The following FRY variants were observed in gnomAD, a reference collection of about 807,000 sequenced individuals.
The protein encoded by FRY is FRY microtubule binding protein.
A neutral mutation model predicts 348.4 loss-of-function variants in FRY; 128 were observed. The observed-to-expected ratio is 0.37, with a 90% confidence interval of 0.32 to 0.43. FRY has a LOEUF of 0.43. Among genes scored for constraint, FRY ranks in the 20% least tolerant of loss-of-function variants. FRY has a pLI of 1.00. For synonymous variants in FRY, 1,370 were observed against 1,374.7 expected (o/e 1.00, Z 0.08); for missense variants, 2,736 against 3,695.2 (o/e 0.74, Z 6.73).
intron 28 of FRY, among the ~76,000 whole-genome samples, chr13:32,191,982 T>C (rs1883362993): frequency 6.6e-6 from 1 of 152,162 alleles, no homozygotes; most frequent in Non-Finnish European, 1.5e-5. Flanking sequence ...TCCATTTATA[T>C]AGACCTCAAA....
chr13:32,091,866 G>T (rs972584286), intron 2 of FRY, among the ~76,000 whole-genome samples: 1 of 152,172 alleles, frequency 6.6e-6, no homozygotes, highest in African/African-American at 2.4e-5. Flanking sequence ...AGGGCCATAA[G>T]TTGAGAGGAC....
At chr13:32,044,891 C>T (rs1160315901) in intron 1 of FRY, among the ~76,000 whole-genome samples, 2 of 152,154 alleles carry the variant, frequency 1.3e-5, no homozygotes, top group Non-Finnish European at 2.9e-5. Context: ...GAGCCAAGTT[C>T]CTGCCCTTAA....
intron 1 of FRY, among the ~76,000 whole-genome samples, chr13:32,053,667 A>G (rs1231539390): frequency 6.6e-6 from 1 of 152,246 alleles, no homozygotes; most frequent in Non-Finnish European, 1.5e-5. Context: ...CACTTTGGAC[A>G]CTTAAGAGTC....
intron 3 of FRY, among the ~76,000 whole-genome samples, chr13:32,111,375 A>G (rs959190399): frequency 2.0e-5 from 3 of 151,942 alleles, no homozygotes; most frequent in African/African-American, 7.2e-5. Flanking sequence ...GTGTGCCTGT[A>G]GTCCCACCTA....
chr13:32,186,570 C>T, intron 27 of FRY, 150 bp downstream of exon 27: 1 of 664,118 alleles, frequency 1.5e-6, no homozygotes, highest in Non-Finnish European at 2.7e-6. Context: ...CACATGGACA[C>T]ACACGTACAT....
intron 1 of FRY, among the ~76,000 whole-genome samples, chr13:32,070,219 G>A (rs1475997442): frequency 6.6e-6 from 1 of 152,104 alleles, no homozygotes; most frequent in Admixed American, 6.5e-5. Flanking sequence ...AATCCTTTGG[G>A]TCTATACCCA....
At chr13:32,205,840 A>T (rs812840) in intron 31 of FRY, among the ~76,000 whole-genome samples, 1 of 151,408 alleles carries the variant, frequency 6.6e-6, no homozygotes, top group Non-Finnish European at 1.5e-5. Flanking sequence ...GTTAAGAAAC[A>T]ATGGCAATAG....
chr13:32,262,530 A>C, intron 53 of FRY, 55 bp downstream of exon 53: 1 of 1,369,852 alleles, frequency 7.3e-7, no homozygotes, highest in Non-Finnish European at 1.0e-6. Context: ...CTTAAAAAAA[A>C]ACACTTCCAA....
intron 17 of FRY, among the ~76,000 whole-genome samples, chr13:32,167,110 G>T (rs1397601438): frequency 6.6e-6 from 1 of 152,194 alleles, no homozygotes; most frequent in Non-Finnish European, 1.5e-5. Flanking sequence ...ATCTCATTTG[G>T]AAAGCTGAAA....
chr13:32,085,286 A>G (rs565546495), intron 2 of FRY, among the ~76,000 whole-genome samples: 2 of 152,288 alleles, frequency 1.3e-5, no homozygotes, highest in African/African-American at 4.8e-5. Flanking sequence ...CTCATTCTCT[A>G]TGAGTCTGTC....
chr13:32,148,366 T>C (rs1880583202), intron 13 of FRY, among the ~76,000 whole-genome samples: 1 of 152,262 alleles, frequency 6.6e-6, no homozygotes, highest in South Asian at 2.1e-4. Flanking sequence ...AATAATGTTC[T>C]TTCAACCTAT....
Position 32,079,358 on chromosome 13 carries a change from G to GAT in FRY, c.270+336_270+337dup, listed in dbSNP as rs199688656. On this transcript the variant is annotated intron_variant, in intron 2 of 60. Coordinates refer to ENST00000542859, the MANE Select transcript of FRY (RefSeq NM_023037.3). ...GAAAAATTGTGTTCAGAGTCTCTGT[G>GAT]ATATATATATATCTCATATATATAT... 3.8e-3 allele frequency among the ~76,000 whole-genome samples: 578 copies of GAT among 151,886 alleles called. 2 individuals carry two copies. Among genetic ancestry groups the GAT allele is most frequent in the Non-Finnish European group, 4.8e-3 (323 of 67,936 alleles).
At chr13:32,127,918 G>T (rs374067995) in intron 7 of FRY, among the ~76,000 whole-genome samples, 4 of 152,036 alleles carry the variant, frequency 2.6e-5, no homozygotes, top group African/African-American at 7.2e-5. Flanking sequence ...TTTAGTCATG[G>T]ATTCAAACTG....
At chr13:32,259,325 C>G (rs1033411518) in intron 51 of FRY, among the ~76,000 whole-genome samples, 1 of 152,192 alleles carries the variant, frequency 6.6e-6, no homozygotes, top group Non-Finnish European at 1.5e-5. Context: ...CCAGGGGAAC[C>G]ATTTCAACAC....
At chr13:32,037,713 CA>C (rs1365214679) in intron 1 of FRY, among the ~76,000 whole-genome samples, 2 of 152,210 alleles carry the variant, frequency 1.3e-5, no homozygotes, top group African/African-American at 4.8e-5. Context: ...ATATAACATG[CA>C]AAGATTCTCC....
chr13:32,121,552 A>C (rs1878654147), intron 4 of FRY, among the ~76,000 whole-genome samples: 1 of 151,612 alleles, frequency 6.6e-6, no homozygotes, highest in Non-Finnish European at 1.5e-5. Context: ...ATATTTTTTC[A>C]TATGTTTGTT....
At chr13:32,222,887 G>T (rs1192062351) in intron 36 of FRY, among the ~76,000 whole-genome samples, 1 of 152,100 alleles carries the variant, frequency 6.6e-6, no homozygotes, top group African/African-American at 2.4e-5. Context: ...TATTATTTGG[G>T]TATGGGATAT....
At chr13:32,124,156 C>T in intron 4 of FRY, 130 bp from the exon 5 acceptor site, 3 of 682,742 alleles carry the variant, frequency 4.4e-6, no homozygotes, top group Non-Finnish European at 7.9e-6. Context: ...CATGTATCTA[C>T]CAGTGCAATT....
intron 51 of FRY, among the ~76,000 whole-genome samples, chr13:32,255,728 A>C (rs76076299): frequency 0.21 from 32,361 of 152,260 alleles, 4,460 homozygotes; most frequent in Non-Finnish European, 0.31. Flanking sequence ...CACTGAATGC[A>C]GTGAAGATTG....
Sources: gnomAD v4.1 joint callset for allele counts (sites outside exome capture counted in the v4.1 genomes callset) on GRCh38, gnomAD v4.1.1 for gene constraint, MANE v1.5 for transcripts, NCBI Gene and HGNC (gene_info 2026-07-23, HGNC 2026-07-21) for gene names.